ABCC4: variants seen among roughly 807,000 people sequenced by gnomAD.
The protein encoded by ABCC4 is ATP binding cassette subfamily C member 4 (PEL blood group).
Under a neutral mutation model 168.5 loss-of-function variants are expected in ABCC4, and 102 were observed. The observed-to-expected ratio is 0.61, with a 90% CI of 0.52 to 0.71. The LOEUF is 0.71. Ranked by LOEUF, ABCC4 falls within the 30% of genes least tolerant of loss-of-function variation. The pLI, the probability that ABCC4 is intolerant of heterozygous loss-of-function variation, is 0.00. For synonymous variants in ABCC4, 617 were observed against 590.7 expected (o/e 1.04, Z -0.65); for missense variants, 1,402 against 1,605.8 (o/e 0.87, Z 2.17).
chr13:95,243,873 G>C (rs987880569), intron 3 of ABCC4, among the ~76,000 whole-genome samples: 1 of 148,802 alleles, frequency 6.7e-6, no homozygotes, highest in Admixed American at 6.7e-5. Flanking sequence ...GTGACAGAGT[G>C]AGACCCCACC....
intron 4 of ABCC4, among the ~76,000 whole-genome samples, chr13:95,219,859 CT>C (rs11431283): frequency 2.7e-5 from 4 of 148,410 alleles, no homozygotes; most frequent in Admixed American, 1.3e-4. Context: ...CTTCTTTCTG[CT>C]TTTTTTTTCC....
intron 1 of ABCC4, among the ~76,000 whole-genome samples, chr13:95,278,366 G>A (rs4773867): frequency 0.82 from 123,864 of 151,948 alleles, 51,215 homozygotes; most frequent in Non-Finnish European, 0.88. Flanking sequence ...GAGCTTAATA[G>A]TGGCAGTGTG....
chr13:95,183,339 C>T (rs1339783463), intron 11 of ABCC4, among the ~76,000 whole-genome samples: 1 of 152,168 alleles, frequency 6.6e-6, no homozygotes, highest in Non-Finnish European at 1.5e-5. Context: ...GTTTTGATTA[C>T]ACATGCAATC....
intron 1 of ABCC4, among the ~76,000 whole-genome samples, chr13:95,272,964 T>C (rs1018706825): frequency 6.6e-6 from 1 of 151,018 alleles, no homozygotes; most frequent in Non-Finnish European, 1.5e-5. Context: ...CACAAAATCA[T>C]ACACACACAC....
At position 95,171,275 on chromosome 13, in the gene ABCC4, T is replaced by C. The variant is rs1048590661; in HGVS notation, c.1728-647A>G. ...AACAGAATCCAAACAGTCCAAACCATATGGCTCAAAGATAAGACCCACCTC... is the reference window on the plus strand; with the variant it reads ...AACAGAATCCAAACAGTCCAAACCACATGGCTCAAAGATAAGACCCACCTC... On this transcript the variant is annotated intron_variant, in intron 13 of 30. Transcript: ENST00000645237. 7.2e-4 allele frequency among the ~76,000 whole-genome samples: 110 copies of C among 152,038 alleles called. 9 individuals are homozygous for C. The highest frequency in any genetic ancestry group is 4.4e-5 in the Non-Finnish European group (3 of 68,024).
intron 26 of ABCC4, among the ~76,000 whole-genome samples, chr13:95,059,427 G>T (rs1192105043): frequency 1.3e-5 from 2 of 152,200 alleles, no homozygotes; most frequent in African/African-American, 4.8e-5. Context: ...TAAAGCACTG[G>T]ATCTAAGAGG....
chr13:95,073,800 G>A (rs1477751450), intron 23 of ABCC4, among the ~76,000 whole-genome samples: 1 of 152,156 alleles, frequency 6.6e-6, no homozygotes, highest in Non-Finnish European at 1.5e-5. Flanking sequence ...TGGTACCCAT[G>A]TGGCATTGAA....
At chr13:95,288,842 G>A (rs2041323850) in intron 1 of ABCC4, among the ~76,000 whole-genome samples, 1 of 152,068 alleles carries the variant, frequency 6.6e-6, no homozygotes, top group Admixed American at 6.6e-5. Context: ...ATATGTACTA[G>A]GAACTTACAT....
At chr13:95,267,210 C>T (rs1365041885) in intron 1 of ABCC4, among the ~76,000 whole-genome samples, 1 of 152,096 alleles carries the variant, frequency 6.6e-6, no homozygotes, top group Non-Finnish European at 1.5e-5. Flanking sequence ...TTGTAGCTCC[C>T]ACAGTTCCCC....
At chr13:95,175,333 A>C (rs530258481) in intron 13 of ABCC4, among the ~76,000 whole-genome samples, 2 of 152,044 alleles carry the variant, frequency 1.3e-5, no homozygotes, top group African/African-American at 4.8e-5. Context: ...ATTATTTTTG[A>C]GACAGAATCT....
At chr13:95,075,630 G>GT in intron 21 of ABCC4, 79 bp from the exon 22 acceptor site, 2 of 1,585,018 alleles carry the variant, frequency 1.3e-6, no homozygotes, top group Non-Finnish European at 1.7e-6. Flanking sequence ...CCATGGTCAC[G>GT]TATCCACCAA....
chr13:95,224,285 C>T (rs1426058489), intron 4 of ABCC4, among the ~76,000 whole-genome samples: 1 of 151,536 alleles, frequency 6.6e-6, no homozygotes, highest in Non-Finnish European at 1.5e-5. Flanking sequence ...AGAATGAAGG[C>T]CAGTTGACAA....
chr13:95,236,365 CCTT>C (rs35347010), intron 3 of ABCC4, among the ~76,000 whole-genome samples: 23,266 of 152,168 alleles, frequency 0.15, 2,106 homozygotes, highest in East Asian at 0.34. Context: ...AGCAATCTCT[CCTT>C]CTTAACAAAG....
At chr13:95,153,934 G>A (rs994228863) in intron 19 of ABCC4, among the ~76,000 whole-genome samples, 1 of 152,142 alleles carries the variant, frequency 6.6e-6, no homozygotes, top group Non-Finnish European at 1.5e-5. Context: ...CATAAAATAT[G>A]ACTTCGTATC....
intron 8 of ABCC4, among the ~76,000 whole-genome samples, chr13:95,202,518 G>A (rs1261209309): frequency 1.3e-5 from 2 of 151,954 alleles, no homozygotes; most frequent in Non-Finnish European, 2.9e-5. Context: ...AGAACCCAAG[G>A]TCTGCGTCCC....
intron 26 of ABCC4, among the ~76,000 whole-genome samples, chr13:95,059,166 G>A (rs541505632): frequency 2.6e-5 from 4 of 152,198 alleles, no homozygotes; most frequent in East Asian, 1.9e-4. Flanking sequence ...CCCTAGGAGA[G>A]GGTTCAGGAA....
intron 30 of ABCC4, among the ~76,000 whole-genome samples, chr13:95,030,164 G>T (rs2031804207): frequency 6.6e-6 from 1 of 152,150 alleles, no homozygotes; most frequent in Non-Finnish European, 1.5e-5. Flanking sequence ...GAGATTACAA[G>T]CATGCGCCAC....
intron 1 of ABCC4, among the ~76,000 whole-genome samples, chr13:95,275,656 G>C (rs948522757): frequency 2.7e-5 from 4 of 150,660 alleles, no homozygotes; most frequent in Admixed American, 1.3e-4. Context: ...GCACTCTAAT[G>C]AGCAAAAACA....
intron 1 of ABCC4, 136 bp from the exon 2 acceptor site, chr13:95,247,889 T>C (rs1053400050): frequency 8.2e-5 from 45 of 551,566 alleles, no homozygotes; most frequent in Admixed American, 3.8e-4. Context: ...TATGAATATA[T>C]AGAGCTAGAG....
Sources: allele counts gnomAD v4.1 joint callset (sites outside exome capture counted in the v4.1 genomes callset), GRCh38; gene constraint gnomAD v4.1.1; transcripts MANE v1.5; gene names NCBI Gene and HGNC (gene_info 2026-07-23, HGNC 2026-07-21).